PRIM2: variants seen among roughly 807,000 people sequenced by gnomAD.
The protein encoded by PRIM2 is DNA primase subunit 2.
PRIM2 carries 39 observed loss-of-function variants against 67.3 expected under a neutral mutation model. The ratio of observed to expected loss-of-function variants is 0.58; its 90% confidence interval spans 0.45 to 0.76. PRIM2 has a LOEUF of 0.76. Ranked by LOEUF, PRIM2 falls within the 30% of genes least tolerant of loss-of-function variation. PRIM2 has a pLI of 0.00. For synonymous variants in PRIM2, 143 were observed against 198.7 expected, an observed-to-expected ratio of 0.72 and a Z score of 2.36; for missense variants, 398 against 598.7, an observed-to-expected ratio of 0.66 and a Z score of 3.50.
chr6:57,537,417 A>C, intron 9 of PRIM2, 23 bp from the exon 10 acceptor site: 1 of 1,261,768 alleles, frequency 7.9e-7, no homozygotes, highest in Non-Finnish European at 1.1e-6. Flanking sequence ...TTAACTTAAA[A>C]CTCTACTATT....
intron 6 of PRIM2, among the ~76,000 whole-genome samples, chr6:57,380,660 G>A (rs1310839713): frequency 1.3e-5 from 2 of 151,986 alleles, no homozygotes; most frequent in Admixed American, 6.6e-5. Flanking sequence ...TATTATGAGT[G>A]AGTGCCAGTA....
chr6:57,334,286 G>C (rs1167527346), intron 5 of PRIM2, among the ~76,000 whole-genome samples: 1 of 151,138 alleles, frequency 6.6e-6, no homozygotes, highest in African/African-American at 2.4e-5. Context: ...TATATATATT[G>C]CATTTAAAAA....
At chr6:57,488,677 G>A (rs1773808006) in intron 7 of PRIM2, among the ~76,000 whole-genome samples, 2 of 152,190 alleles carry the variant, frequency 1.3e-5, no homozygotes, top group African/African-American at 4.8e-5. Context: ...CCACCACATG[G>A]TTGCAATTGT....
At chr6:57,628,182 C>T (rs1441160824) in intron 12 of PRIM2, among the ~76,000 whole-genome samples, 6 of 152,308 alleles carry the variant, frequency 3.9e-5, no homozygotes, top group African/African-American at 1.4e-4. Flanking sequence ...TATCCCATTT[C>T]TCTGGCTTTC....
At chr6:57,600,532 T>C (rs1307837158) in intron 10 of PRIM2, among the ~76,000 whole-genome samples, 1 of 152,080 alleles carries the variant, frequency 6.6e-6, no homozygotes, top group Admixed American at 6.6e-5. Flanking sequence ...TAATATTTAA[T>C]TTTTTGTAGA....
intron 7 of PRIM2, among the ~76,000 whole-genome samples, chr6:57,425,163 TTTTCA>T (rs1252472020): frequency 6.6e-6 from 1 of 152,242 alleles, no homozygotes; most frequent in East Asian, 1.9e-4. Flanking sequence ...TTAAATTATA[TTTTCA>T]TTTCTTTTCC....
intron 7 of PRIM2, among the ~76,000 whole-genome samples, chr6:57,453,952 A>T (rs1314446386): frequency 6.6e-5 from 10 of 152,154 alleles, no homozygotes; most frequent in Non-Finnish European, 1.5e-5. Context: ...TTATTTTGAG[A>T]TACATCCCAT....
chr6:57,341,937 G>A (rs1437165695), intron 5 of PRIM2, among the ~76,000 whole-genome samples: 1 of 152,184 alleles, frequency 6.6e-6, no homozygotes, highest in Non-Finnish European at 1.5e-5. Context: ...TGCTGTGTTT[G>A]TGTGCATTTC....
chr6:57,473,774 T>G (rs1281287960), intron 7 of PRIM2, among the ~76,000 whole-genome samples: 1 of 152,158 alleles, frequency 6.6e-6, no homozygotes, highest in Non-Finnish European at 1.5e-5. Context: ...GTTTTGTAAC[T>G]TTACCTTCCA....
intron 6 of PRIM2, among the ~76,000 whole-genome samples, chr6:57,381,067 T>C (rs969743652): frequency 6.6e-6 from 1 of 152,098 alleles, no homozygotes; most frequent in African/African-American, 2.4e-5. Context: ...TACCTGCTCA[T>C]CTGATATGTC....
At chr6:57,294,182 C>A in the PRIM2 span, among the ~76,000 whole-genome samples, 3 of 152,114 alleles carry the variant, frequency 2.0e-5, no homozygotes, top group East Asian at 5.8e-4. Context: ...AAAGTAGATT[C>A]CAAACACTTT....
intron 10 of PRIM2, among the ~76,000 whole-genome samples, chr6:57,594,094 T>G (rs1776326291): frequency 6.6e-6 from 1 of 152,200 alleles, no homozygotes; most frequent in Non-Finnish European, 1.5e-5. Flanking sequence ...AAACAGAAGT[T>G]GTTTATAAAA....
chr6:57,378,729 C>T (rs1212447793), intron 5 of PRIM2, among the ~76,000 whole-genome samples: 10 of 152,140 alleles, frequency 6.6e-5, no homozygotes, highest in Non-Finnish European at 1.0e-4. Context: ...GAAGGTCTCT[C>T]GTCAGATATC....
chr6:57,575,714 T>G (rs1775952181), intron 10 of PRIM2, among the ~76,000 whole-genome samples: 1 of 152,192 alleles, frequency 6.6e-6, no homozygotes, highest in Non-Finnish European at 1.5e-5. Context: ...TTTTTTTTCT[T>G]GATTAAGGTA....
chr6:57,277,264 G>C, the PRIM2 span, among the ~76,000 whole-genome samples: 1 of 152,186 alleles, frequency 6.6e-6, no homozygotes, highest in Admixed American at 6.5e-5. Context: ...GCTCTGCACT[G>C]TTCTAGGACA....
At chr6:57,611,913 G>A (rs1360687855) in intron 12 of PRIM2, among the ~76,000 whole-genome samples, 3 of 151,962 alleles carry the variant, frequency 2.0e-5, no homozygotes, top group Non-Finnish European at 4.4e-5. Context: ...CTAGAAAACA[G>A]TTTTTTAAAC....
At chr6:57,461,923 A>T (rs1169249946) in intron 7 of PRIM2, among the ~76,000 whole-genome samples, 1 of 152,236 alleles carries the variant, frequency 6.6e-6, no homozygotes, top group Non-Finnish European at 1.5e-5. Flanking sequence ...GGACCAGACT[A>T]TGTGGAGTTA....
intron 7 of PRIM2, among the ~76,000 whole-genome samples, chr6:57,499,559 A>T (rs1774084838): frequency 6.6e-6 from 1 of 152,156 alleles, no homozygotes; most frequent in Non-Finnish European, 1.5e-5. Flanking sequence ...CCCCCCAGTT[A>T]ATTACCATTA....
At chr6:57,632,245 G>T (rs1165089237) in intron 13 of PRIM2, 44 bp downstream of exon 13, 100 of 1,153,954 alleles carry the variant, frequency 8.7e-5, no homozygotes, top group Non-Finnish European at 1.1e-4. Flanking sequence ...TTTGTCTTTT[G>T]TTACTGTGTC....
Sources: allele counts gnomAD v4.1 joint callset (sites outside exome capture counted in the v4.1 genomes callset), GRCh38; gene constraint gnomAD v4.1.1; transcripts MANE v1.5; gene names NCBI Gene and HGNC (gene_info 2026-07-23, HGNC 2026-07-21).